The following COG5 variants were observed in gnomAD, a reference collection of about 807,000 sequenced individuals.
COG5 encodes conserved oligomeric Golgi complex subunit 5.
COG5 carries 86 observed loss-of-function variants against 110.4 expected under a neutral mutation model. The observed-to-expected ratio is 0.78, with a 90% CI of 0.65 to 0.93. The LOEUF (loss-of-function observed/expected upper bound fraction) is 0.93, where lower values mean the gene tolerates loss of function less well. Ranked by LOEUF, COG5 falls within the 40% of genes least tolerant of loss-of-function variation. The probability of loss-of-function intolerance (pLI) is 0.00; values close to 1 mark genes in which losing one functional copy is unlikely to be tolerated. For synonymous variants in COG5, 360 were observed against 334.6 expected (o/e 1.08, Z -0.83); for missense variants, 1,077 against 987.0 (o/e 1.09, Z -1.22).
intron 6 of COG5, among the ~76,000 whole-genome samples, chr7:107,415,215 G>A (rs1261414022): frequency 2.0e-5 from 3 of 152,184 alleles, no homozygotes; most frequent in Non-Finnish European, 2.9e-5. Context: ...GGTGCTGGAA[G>A]TTGAAAGGAA....
intron 19 of COG5, among the ~76,000 whole-genome samples, chr7:107,221,891 C>T (rs1562919181): frequency 6.6e-6 from 1 of 152,042 alleles, no homozygotes; most frequent in Non-Finnish European, 1.5e-5. Context: ...AAGTTTAAAG[C>T]CAAGTTTGAA....
At chr7:107,537,849 A>G (rs772438358) in intron 5 of COG5, among the ~76,000 whole-genome samples, 40 of 152,228 alleles carry the variant, frequency 2.6e-4, no homozygotes, top group Non-Finnish European at 4.7e-4. Flanking sequence ...CAATATCATT[A>G]GCCATTAGGA....
intron 19 of COG5, among the ~76,000 whole-genome samples, chr7:107,212,009 G>C (rs1310721818): frequency 5.9e-5 from 9 of 152,080 alleles, no homozygotes; most frequent in Admixed American, 6.5e-5. Context: ...CATGTAAAAC[G>C]GCACTGTATC....
At chr7:107,272,766 C>T (rs993343060) in intron 14 of COG5, among the ~76,000 whole-genome samples, 1 of 152,096 alleles carries the variant, frequency 6.6e-6, no homozygotes, top group Non-Finnish European at 1.5e-5. Flanking sequence ...TCTTAATTCC[C>T]ATTACAGCGA....
rs1293631392 is a variant in COG5 at position 107,478,317 on chromosome 7, T to C, written c.538+48920A>G. ...AATTATATGTCTTTTAAAAGGGCCA[T>C]TCATGATAATTCTGTACTTCTGACC... is the stretch of plus-strand genomic sequence containing the variant. On this transcript the variant is annotated intron_variant, in intron 6 of 21. Coordinates refer to ENST00000297135, the MANE Select transcript of COG5 (RefSeq NM_006348.5). Among the ~76,000 whole-genome samples, 3 of 151,956 alleles carry C rather than the reference T, an allele frequency of 2.0e-5. No homozygotes were observed. The East Asian group carries it at 5.8e-4, about 29-fold the overall frequency.
intron 14 of COG5, among the ~76,000 whole-genome samples, chr7:107,277,770 G>A (rs1051789773): frequency 4.6e-5 from 7 of 151,894 alleles, no homozygotes; most frequent in Non-Finnish European, 8.8e-5. Flanking sequence ...CTCTGGTATC[G>A]CTTTGGATTC....
At chr7:107,325,563 A>C (rs148930724) in intron 10 of COG5, among the ~76,000 whole-genome samples, 243 of 152,334 alleles carry the variant, frequency 1.6e-3, no homozygotes, top group African/African-American at 5.6e-3. Flanking sequence ...AGGCAGGAGA[A>C]TCACTTAAAC....
chr7:107,311,348 A>G (rs971640872), intron 11 of COG5, among the ~76,000 whole-genome samples: 9 of 144,812 alleles, frequency 6.2e-5, no homozygotes, highest in Admixed American at 5.6e-4. Flanking sequence ...CTCTATTTAT[A>G]AGTGATATCG....
intron 10 of COG5, among the ~76,000 whole-genome samples, chr7:107,332,390 TTAA>T (rs781372895): frequency 1.3e-5 from 2 of 152,090 alleles, no homozygotes; most frequent in South Asian, 4.2e-4. Context: ...TGAGCATAAG[TTAA>T]TAATCACTGA....
At chr7:107,337,038 C>T (rs1312623775) in intron 10 of COG5, among the ~76,000 whole-genome samples, 1 of 152,038 alleles carries the variant, frequency 6.6e-6, no homozygotes, top group Non-Finnish European at 1.5e-5. Context: ...ACAAGAGGTA[C>T]ATTAAAAAAT....
chr7:107,563,139 G>A (rs917541633), intron 1 of COG5, among the ~76,000 whole-genome samples: 22 of 152,146 alleles, frequency 1.4e-4, no homozygotes, highest in African/African-American at 4.8e-5. Context: ...TGCTTTTCAA[G>A]TATATTATAT....
At chr7:107,455,958 T>TA (rs1209518031) in intron 6 of COG5, among the ~76,000 whole-genome samples, 1 of 151,864 alleles carries the variant, frequency 6.6e-6, no homozygotes, top group East Asian at 1.9e-4. Flanking sequence ...CACACCTGGC[T>TA]AATTTTTTTT....
At chr7:107,347,019 T>C (rs1208670998) in intron 10 of COG5, among the ~76,000 whole-genome samples, 1 of 152,202 alleles carries the variant, frequency 6.6e-6, no homozygotes, top group African/African-American at 2.4e-5. Context: ...GATTGGTATA[T>C]CATAATGTAC....
At chr7:107,356,392 T>G (rs1281718259) in intron 10 of COG5, among the ~76,000 whole-genome samples, 3 of 152,192 alleles carry the variant, frequency 2.0e-5, no homozygotes, top group Non-Finnish European at 4.4e-5. Context: ...GAATTTCAAG[T>G]ACAGACTACT....
intron 6 of COG5, among the ~76,000 whole-genome samples, chr7:107,477,915 G>A (rs1797086388): frequency 6.6e-6 from 1 of 151,548 alleles, no homozygotes; most frequent in Non-Finnish European, 1.5e-5. Flanking sequence ...AAATAATTTT[G>A]CTCAAAAAAG....
Position 107,254,896 on chromosome 7 carries a change from G to T in COG5, c.1749+1836C>A, listed in dbSNP as rs77359688. On this transcript the variant is annotated intron_variant, in intron 16 of 21. Transcript: ENST00000297135. ...ATTAGAGGTCAAAAAAATCATTTCA[G>T]TGGGTCAGTATCGTAATGTTTTAAA... 2.7e-3 allele frequency among the ~76,000 whole-genome samples: 418 copies of T among 152,264 alleles called. 12 individuals carry two copies. The East Asian group carries it at 0.065, about 24-fold the overall frequency.
chr7:107,497,780 T>G (rs757078034), intron 6 of COG5, among the ~76,000 whole-genome samples: 5 of 151,584 alleles, frequency 3.3e-5, no homozygotes, highest in Non-Finnish European at 7.4e-5. Context: ...TTTAGAGAAA[T>G]AGAAAAAAAA....
chr7:107,376,552 T>G (rs1430947736), intron 7 of COG5, among the ~76,000 whole-genome samples: 2 of 152,040 alleles, frequency 1.3e-5, no homozygotes, highest in East Asian at 3.8e-4. Flanking sequence ...TTTTAAATTT[T>G]TTGTAAACAA....
chr7:107,541,932 A>G, intron 5 of COG5, among the ~76,000 whole-genome samples: 1 of 151,436 alleles, frequency 6.6e-6, no homozygotes, highest in Admixed American at 6.6e-5. Flanking sequence ...TCCATCTCAA[A>G]AAAGAAAAAA....
Sources: gnomAD v4.1 joint callset for allele counts (sites outside exome capture counted in the v4.1 genomes callset) on GRCh38, gnomAD v4.1.1 for gene constraint, MANE v1.5 for transcripts, NCBI Gene and HGNC (gene_info 2026-07-23, HGNC 2026-07-21) for gene names.